IFT140: variants seen among roughly 807,000 people sequenced by gnomAD.
The protein encoded by IFT140 is intraflagellar transport protein 140 homolog.
In IFT140, 133 loss-of-function variants were observed where a neutral mutation model predicts 164.6. The observed-to-expected ratio is 0.81, with a 90% CI of 0.70 to 0.93. The LOEUF is 0.93. Ranked by LOEUF, IFT140 falls within the 40% of genes least tolerant of loss-of-function variation. The pLI is 0.00. For missense variants in IFT140, 2,045 were observed against 1,972.3 expected, an observed-to-expected ratio of 1.04 and a Z score of -0.70; for synonymous variants, 860 against 817.3, an observed-to-expected ratio of 1.05 and a Z score of -0.89.
chr16:1,549,534 A>T (rs1233196192), intron 19 of IFT140, among the ~76,000 whole-genome samples: 1 of 152,156 alleles, frequency 6.6e-6, no homozygotes, highest in Non-Finnish European at 1.5e-5. Context: ...CGGGTTCAAG[A>T]AATTCTCCTG....
intron 19 of IFT140, among the ~76,000 whole-genome samples, chr16:1,556,216 A>C (rs985648469): frequency 2.0e-5 from 3 of 152,242 alleles, no homozygotes; most frequent in Non-Finnish European, 4.4e-5. Context: ...CCGTGTCCTA[A>C]ATCTGTTAAG....
intron 4 of IFT140, among the ~76,000 whole-genome samples, chr16:1,598,681 G>A (rs1454224085): frequency 1.3e-5 from 2 of 152,282 alleles, no homozygotes; most frequent in Non-Finnish European, 2.9e-5. Flanking sequence ...CCCAAGGACA[G>A]TGGTTTGGGC....
chr16:1,522,224 G>C (rs2040546449), intron 26 of IFT140, among the ~76,000 whole-genome samples: 2 of 152,108 alleles, frequency 1.3e-5, no homozygotes, highest in African/African-American at 4.8e-5. Flanking sequence ...AGGTGTGGTG[G>C]TGGGCGCCTG....
rs1213131384 is a variant in IFT140, at chr16:1,525,159, C to T, written c.2864+72G>A. ...GGAAGCACGGGAAAGGGAGCCGTCT[C>T]AGCAAGCCCTGGGGTCCCTGCAAAC... is the stretch of plus-strand genomic sequence containing the variant. On this transcript the variant is annotated intron_variant, in intron 22 of 30. Coordinates refer to ENST00000426508, the MANE Select transcript of IFT140 (RefSeq NM_014714.4). 6 of 1,331,884 alleles carry T rather than the reference C, an allele frequency of 4.5e-6. No homozygotes were observed. In the East Asian group the frequency reaches 9.3e-5, roughly 21 times the overall value. The allele number at this position is 1,331,884 out of a possible 1,614,324, so 82.5% of individuals were successfully genotyped here. A position where few individuals can be genotyped will look rare whatever the true frequency, so the allele number is the denominator to read the frequency against.
intron 4 of IFT140, among the ~76,000 whole-genome samples, chr16:1,601,087 A>T (rs1277446439): frequency 6.6e-6 from 1 of 151,928 alleles, no homozygotes; most frequent in Non-Finnish European, 1.5e-5. Flanking sequence ...ACATGGTGAA[A>T]CCCCGTCTCT....
intron 22 of IFT140, 126 bp downstream of exon 22, chr16:1,525,105 G>A: frequency 8.7e-7 from 1 of 1,155,624 alleles, no homozygotes; most frequent in Non-Finnish European, 1.2e-6. Context: ...TGGCTCTGAG[G>A]AGCCGGGAGG....
At chr16:1,588,780 A>G (rs1184658087) in intron 7 of IFT140, among the ~76,000 whole-genome samples, 1 of 152,140 alleles carries the variant, frequency 6.6e-6, no homozygotes, top group Non-Finnish European at 1.5e-5. Flanking sequence ...CCCCAAACTC[A>G]TATGTGGGAG....
intron 23 of IFT140, 26 bp from the exon 24 acceptor site, chr16:1,524,721 GAGACACGGTGGCCTTGTGTCTGC>G: frequency 6.3e-7 from 1 of 1,579,260 alleles, no homozygotes; most frequent in Non-Finnish European, 8.7e-7. Flanking sequence ...ACCCAAAGAC[GAGACACGGTGGCCTTGTGTCTGC>G]CTCGTGTCCG....
At chr16:1,582,398 C>T (rs539830852) in intron 12 of IFT140, among the ~76,000 whole-genome samples, 3 of 152,322 alleles carry the variant, frequency 2.0e-5, no homozygotes, top group Non-Finnish European at 4.4e-5. Flanking sequence ...GAAGCTGAAA[C>T]GGGTTCTCCC....
intron 2 of IFT140, 111 bp downstream of exon 2, chr16:1,610,553 G>C (rs1253929169): frequency 1.3e-5 from 2 of 152,442 alleles, no homozygotes; most frequent in South Asian, 2.1e-4. Context: ...CCGGGATCGT[G>C]GGAGGAGACG....
At chr16:1,583,873 T>C (rs904713351) in intron 11 of IFT140, among the ~76,000 whole-genome samples, 1 of 152,120 alleles carries the variant, frequency 6.6e-6, no homozygotes, top group Non-Finnish European at 1.5e-5. Flanking sequence ...GCCTCCCAGG[T>C]AGCTGGGATT....
At chr16:1,577,105 A>G (rs2034318739) in intron 13 of IFT140, 1 of 152,222 alleles carries the variant, frequency 6.6e-6, no homozygotes, top group African/African-American at 2.4e-5. Flanking sequence ...AGGGGGACCC[A>G]TGTGACATGC....
At chr16:1,571,379 C>T in intron 14 of IFT140, 28 bp downstream of exon 14, 3 of 1,605,318 alleles carry the variant, frequency 1.9e-6, no homozygotes, top group Non-Finnish European at 2.5e-6. Flanking sequence ...AAAAAATGTT[C>T]ACACTTCTAT....
chr16:1,555,131 C>G, intron 19 of IFT140: 2 of 1,409,206 alleles, frequency 1.4e-6, no homozygotes, highest in Non-Finnish European at 1.9e-6. Flanking sequence ...TGCAGAGGCA[C>G]GGGATGAGTC....
chr16:1,534,430 T>C (rs762666113), intron 19 of IFT140: 4 of 1,611,666 alleles, frequency 2.5e-6, no homozygotes, highest in African/African-American at 1.3e-5. Flanking sequence ...TGCTGGCTGG[T>C]GGACAGGACC....
chr16:1,594,297 T>C (rs1334029701), intron 4 of IFT140, among the ~76,000 whole-genome samples: 1 of 152,042 alleles, frequency 6.6e-6, no homozygotes, highest in African/African-American at 2.4e-5. Context: ...CACAGCTCAC[T>C]GCAGCCTCTG....
chr16:1,592,143 G>C (rs371079558), intron 6 of IFT140, 33 bp downstream of exon 6: 4 of 1,612,816 alleles, frequency 2.5e-6, no homozygotes, highest in Non-Finnish European at 2.5e-6. Flanking sequence ...TAAAATGCTA[G>C]GACCCCTGAG....
At chr16:1,581,799 T>TGGAGG (rs2034583828) in intron 12 of IFT140, among the ~76,000 whole-genome samples, 4 of 11,000 alleles carry the variant, frequency 3.6e-4, no homozygotes, top group African/African-American at 1.3e-3. Context: ...GGGAGGGGAG[T>TGGAGG]GGAGGGGATG....
At chr16:1,582,760 G>A (rs1174888240) in intron 12 of IFT140, among the ~76,000 whole-genome samples, 11 of 152,218 alleles carry the variant, frequency 7.2e-5, no homozygotes, top group Admixed American at 6.5e-4. Flanking sequence ...AAAATTAGCC[G>A]GGTGTGGTGG....
Sources: allele counts gnomAD v4.1 joint callset (sites outside exome capture counted in the v4.1 genomes callset), GRCh38; gene constraint gnomAD v4.1.1; transcripts MANE v1.5; gene names NCBI Gene and HGNC (gene_info 2026-07-23, HGNC 2026-07-21).